SHANK2: variants seen among roughly 807,000 people sequenced by gnomAD.
The protein encoded by SHANK2 is SH3 and multiple ankyrin repeat domains 2, also known as SH3 and multiple ankyrin repeat domains protein 2.
In SHANK2, 43 loss-of-function variants were observed where a neutral mutation model predicts 133.7. The observed-to-expected ratio is 0.32, with a 90% CI of 0.25 to 0.41. The LOEUF (loss-of-function observed/expected upper bound fraction) is 0.41, where lower values mean the gene tolerates loss of function less well. SHANK2 is among the 10% of genes least tolerant of loss of function. The pLI, the probability that SHANK2 is intolerant of heterozygous loss-of-function variation, is 1.00. For synonymous variants in SHANK2, 1,017 were observed against 952.8 expected, an observed-to-expected ratio of 1.07 and a Z score of -1.24; for missense variants, 1,994 against 2,235.8, an observed-to-expected ratio of 0.89 and a Z score of 2.18.
Position 71,212,119 on chromosome 11 carries a change from A to G in SHANK2, c.-13+12578T>C, listed in dbSNP as rs1954294881. On this transcript the variant is annotated intron_variant, in intron 2 of 25. Transcript: ENST00000601538. ...TCTGCTTTCCAAATGAACTGATATT[A>G]GACAAAAGAATTCTGTTATTCCATC... 3.3e-5 allele frequency among the ~76,000 whole-genome samples: 5 copies of G among 152,242 alleles called. No individual in the cohort carries two copies. The South Asian group carries it at 1.0e-3, about 31-fold the overall frequency.
intron 11 of SHANK2, among the ~76,000 whole-genome samples, chr11:70,844,989 A>G (rs1489018565): frequency 6.6e-6 from 1 of 152,064 alleles, no homozygotes; most frequent in East Asian, 1.9e-4. Flanking sequence ...TCACGAGGTT[A>G]GGAATTCAAG....
chr11:70,867,322 G>A (rs781810059), intron 11 of SHANK2, among the ~76,000 whole-genome samples: 3 of 152,232 alleles, frequency 2.0e-5, no homozygotes, highest in Non-Finnish European at 4.4e-5. Flanking sequence ...GACCAATGAG[G>A]AGAGTGCACA....
At chr11:70,531,879 G>T (rs1554973300) in intron 17 of SHANK2, among the ~76,000 whole-genome samples, 1 of 152,132 alleles carries the variant, frequency 6.6e-6, no homozygotes, top group African/African-American at 2.4e-5. Context: ...CGCAGCTCTG[G>T]GTGCTGGGGC....
chr11:71,251,711 G>A (rs1234477259), intron 1 of SHANK2, among the ~76,000 whole-genome samples: 1 of 151,038 alleles, frequency 6.6e-6, no homozygotes, highest in African/African-American at 2.4e-5. Context: ...ACGGCGGGCC[G>A]GGGTCGGGCA....
At chr11:70,623,277 C>T (rs2060856951) in intron 17 of SHANK2, among the ~76,000 whole-genome samples, 2 of 152,148 alleles carry the variant, frequency 1.3e-5, no homozygotes, top group South Asian at 4.1e-4. Context: ...CCTCCAGGTC[C>T]CCGGGCGGTT....
chr11:70,644,064 G>A (rs2061226372), intron 17 of SHANK2, among the ~76,000 whole-genome samples: 1 of 152,194 alleles, frequency 6.6e-6, no homozygotes, highest in African/African-American at 2.4e-5. Flanking sequence ...AAGGAAACAT[G>A]CTGGGACTTG....
At position 70,556,807 on chromosome 11, in the gene SHANK2, G is replaced by A. The variant is rs372392018; in HGVS notation, c.2062-53876C>T. Among the ~76,000 whole-genome samples the A allele has an allele frequency of 4.5e-4, 68 of 152,172 alleles. No homozygotes were observed. The South Asian group carries it at 0.013, about 30-fold the overall frequency. ...GGGTTTCTCCATGTTGACCAGGCTG[G>A]TCTCTAACTCCTGGCCTCAAGTGAT... On this transcript the variant is annotated intron_variant, in intron 17 of 25. Transcript: ENST00000601538.
intron 17 of SHANK2, among the ~76,000 whole-genome samples, chr11:70,639,765 C>T (rs1195386576): frequency 6.6e-6 from 1 of 152,122 alleles, no homozygotes; most frequent in Non-Finnish European, 1.5e-5. Context: ...GCCCTGCAGG[C>T]CCACAGGGTG....
chr11:70,923,238 T>C (rs4246963), intron 10 of SHANK2, among the ~76,000 whole-genome samples: 147,665 of 152,288 alleles, frequency 0.97, 71,754 homozygotes, highest in East Asian at 1. Flanking sequence ...TTTCCTCTTT[T>C]TGTTTTGTTT....
chr11:70,624,474 T>C (rs2060876697), intron 17 of SHANK2, among the ~76,000 whole-genome samples: 1 of 147,518 alleles, frequency 6.8e-6, no homozygotes, highest in African/African-American at 2.5e-5. Flanking sequence ...CCCCCAGACA[T>C]CCCTCAGAAT....
At chr11:70,575,518 C>CAAAAAAAAAAAAA (rs71049923) in intron 17 of SHANK2, among the ~76,000 whole-genome samples, 2 of 139,628 alleles carry the variant, frequency 1.4e-5, no homozygotes, top group African/African-American at 5.6e-5. Flanking sequence ...GACTCTGCCT[C>CAAAAAAAAAAAAA]AAAAAAAAAA....
chr11:70,901,089 G>A (rs1476076420), intron 10 of SHANK2, among the ~76,000 whole-genome samples: 11 of 152,104 alleles, frequency 7.2e-5, no homozygotes, highest in Admixed American at 7.2e-4. Context: ...TATGAAGTGG[G>A]CACCATTATC....
At chr11:70,808,798 T>A (rs1198661907) in intron 12 of SHANK2, among the ~76,000 whole-genome samples, 2 of 152,018 alleles carry the variant, frequency 1.3e-5, no homozygotes, top group Non-Finnish European at 2.9e-5. Context: ...AGGAAGGCCA[T>A]GGGTGTCCGA....
At chr11:70,881,333 C>A (rs1949656237) in intron 11 of SHANK2, among the ~76,000 whole-genome samples, 1 of 152,102 alleles carries the variant, frequency 6.6e-6, no homozygotes, top group South Asian at 2.1e-4. Context: ...AGGTGCGAGC[C>A]ACCTTGCCTG....
intron 11 of SHANK2, among the ~76,000 whole-genome samples, chr11:70,834,604 T>C (rs1948779170): frequency 6.6e-6 from 1 of 152,248 alleles, no homozygotes; most frequent in Admixed American, 6.5e-5. Flanking sequence ...CTCGTAGCTT[T>C]AGATAACTGC....
At chr11:70,662,407 G>T (rs2134280856) in intron 15 of SHANK2, among the ~76,000 whole-genome samples, 1 of 152,328 alleles carries the variant, frequency 6.6e-6, no homozygotes, top group East Asian at 1.9e-4. Context: ...CGCAGGCTGG[G>T]CTGGGAGAGG....
At chr11:70,771,810 G>A (rs1947257105) in intron 14 of SHANK2, among the ~76,000 whole-genome samples, 1 of 152,186 alleles carries the variant, frequency 6.6e-6, no homozygotes, top group African/African-American at 2.4e-5. Context: ...AACACTTCCT[G>A]GAGCCAAATC....
intron 1 of SHANK2, among the ~76,000 whole-genome samples, chr11:71,249,982 T>G (rs1948151413): frequency 6.6e-6 from 1 of 152,134 alleles, no homozygotes; most frequent in Non-Finnish European, 1.5e-5. Context: ...TGGCCCTGCA[T>G]ACAACCCTAA....
chr11:70,941,919 T>C (rs1446724906), intron 10 of SHANK2, among the ~76,000 whole-genome samples: 1 of 151,832 alleles, frequency 6.6e-6, no homozygotes, highest in Non-Finnish European at 1.5e-5. Flanking sequence ...GAGGGCTGTG[T>C]GTGGTGACTC....
Sources: allele counts gnomAD v4.1 joint callset (sites outside exome capture counted in the v4.1 genomes callset), GRCh38; gene constraint gnomAD v4.1.1; transcripts MANE v1.5; gene names NCBI Gene and HGNC (gene_info 2026-07-23, HGNC 2026-07-21).